Variants in CNRIP1 observed in about 807,000 individuals in gnomAD.
CNRIP1 encodes cannabinoid receptor interacting protein 1.
Under a neutral mutation model 15.2 loss-of-function variants are expected in CNRIP1, and 10 were observed. The ratio of observed to expected loss-of-function variants is 0.66; its 90% CI spans 0.41 to 1.12. CNRIP1 has a LOEUF of 1.12. CNRIP1 is among the 50% of genes most tolerant of loss of function. The pLI is 0.00. For missense variants in CNRIP1, 211 were observed against 214.7 expected (o/e 0.98, Z 0.11); for synonymous variants, 91 against 83.2 (o/e 1.09, Z -0.51).
At position 68,293,282 on chromosome 2, in the gene CNRIP1, G is replaced by A; in HGVS notation, c.*580C>T. The A allele has an allele frequency of 1.0e-6, 1 of 985,966 alleles. No individual in the cohort carries two copies. The highest frequency in any genetic ancestry group is 4.7e-5 in the South Asian group (1 of 21,326). The allele number at this position is 985,966 out of a possible 1,614,324, so 61.1% of individuals were successfully genotyped here. On this transcript the variant is annotated 3_prime_UTR_variant, in exon 3 of 3. Transcript: ENST00000263655. ...ATACGTTATAAATACGTACATATTT[G>A]TCCTTCTAGTTTGTTACCATCCTTC...
At chr2:68,296,706 C>T (rs1270882344) in intron 2 of CNRIP1, among the ~76,000 whole-genome samples, 4 of 152,134 alleles carry the variant, frequency 2.6e-5, no homozygotes, top group Admixed American at 1.3e-4. Flanking sequence ...AGCACGATCT[C>T]GGCTCACTGC....
At position 68,319,351 on chromosome 2, in the gene CNRIP1, T is replaced by C. The variant is rs767035600; in HGVS notation, c.50A>G (p.Gln17Arg). The change falls in exon 1 of 3, where the codon CAG (glutamine) becomes CGG (arginine). Residue 17 changes from glutamine to arginine, a missense_variant. Physicochemically the swap from Gln to Arg is conservative, Grantham distance 43. Coordinates refer to ENST00000263655, the MANE Select transcript of CNRIP1 (RefSeq NM_015463.3). ...LVRLSIALRI[Q>R]PNDGPVFYKV... The stretch of plus-strand genomic sequence containing the variant: ...GTAAAAGACCGGGCCGTCATTAGGC[T>C]GGATGCGCAGCGCGATGGAGAGGCG... 1.3e-6 allele frequency: 2 copies of C among 1,583,146 alleles called. No individual in the cohort carries two copies. Among genetic ancestry groups the C allele is most frequent in the Non-Finnish European group, 1.7e-6 (2 of 1,165,110 alleles).
rs923523892 is a variant in CNRIP1 at position 68,293,223 on chromosome 2, T to C, written c.*639A>G. 3 of 985,398 alleles carry C rather than the reference T, an allele frequency of 3.0e-6. No homozygotes were observed. In the African/African-American group the frequency reaches 5.2e-5, roughly 17 times the overall value. The allele number at this position is 985,398 out of a possible 1,614,324, so 61.0% of individuals were successfully genotyped here. The stretch of plus-strand genomic sequence containing the variant: ...CCCCATTTCTACTAGGCTAGGCCAT[T>C]GCACAATACCTTAAGCTACTTAAAA... On this transcript the variant is annotated 3_prime_UTR_variant, in exon 3 of 3. Coordinates refer to ENST00000263655, the MANE Select transcript of CNRIP1 (RefSeq NM_015463.3).
At chr2:68,312,396 A>G (rs1672125316) in intron 2 of CNRIP1, among the ~76,000 whole-genome samples, 1 of 152,354 alleles carries the variant, frequency 6.6e-6, no homozygotes, top group African/African-American at 2.4e-5. Flanking sequence ...AAACTATTTG[A>G]AAACATGTTA....
In CNRIP1 at chr2:68,319,598, C is replaced by T. The variant is rs1558671762; in HGVS notation, c.-198G>A. ...GAGGAGCAGCTCCTTAGGCTGTGGC[C>T]CCCCTCCCCACTCGGCGAGGAAGCG... On this transcript the variant is annotated 5_prime_UTR_variant, in exon 1 of 3. Coordinates refer to ENST00000263655, the MANE Select transcript of CNRIP1 (RefSeq NM_015463.3). 4 of 529,770 alleles carry T rather than the reference C, an allele frequency of 7.6e-6. No homozygotes were observed. The highest frequency in any genetic ancestry group is 9.7e-6 in the Non-Finnish European group (3 of 308,762). The allele number at this position is 529,770 out of a possible 1,614,324, so 32.8% of individuals were successfully genotyped here.
chr2:68,302,845 CTTTTTT>C (rs1214086385), intron 2 of CNRIP1, among the ~76,000 whole-genome samples: 1 of 126,276 alleles, frequency 7.9e-6, no homozygotes, highest in Non-Finnish European at 1.6e-5. Flanking sequence ...ATTTGAAAAA[CTTTTTT>C]TTTTTTTTTT....
At chr2:68,315,874 C>T (rs1366816391) in intron 2 of CNRIP1, 1 of 152,066 alleles carries the variant, frequency 6.6e-6, no homozygotes, top group East Asian at 1.9e-4. Flanking sequence ...GACAGGGTCC[C>T]ACTATGTTGC....
intron 2 of CNRIP1, among the ~76,000 whole-genome samples, chr2:68,300,478 G>A (rs1031776542): frequency 5.3e-5 from 8 of 152,162 alleles, no homozygotes; most frequent in South Asian, 2.1e-4. Flanking sequence ...TTAGCCGGGC[G>A]TGGTGGTGGG....
At chr2:68,307,824 A>G (rs1210276455) in intron 2 of CNRIP1, among the ~76,000 whole-genome samples, 1 of 152,230 alleles carries the variant, frequency 6.6e-6, no homozygotes, top group Non-Finnish European at 1.5e-5. Flanking sequence ...GTTCCCACAT[A>G]TGACCATTTT....
rs539785569 is a variant in CNRIP1, at chr2:68,303,098, T to C, written c.331-9072A>G. Among the ~76,000 whole-genome samples, 483 of 143,114 alleles carry C rather than the reference T, an allele frequency of 3.4e-3. 1 individual carries two copies. Among genetic ancestry groups the C allele is most frequent in the Admixed American group, 5.5e-3 (76 of 13,902 alleles). 93.9% of individuals were successfully genotyped at this position (143,114 alleles called of 152,430 possible). A position where few individuals can be genotyped will look rare whatever the true frequency, so the allele number is the denominator to read the frequency against. On this transcript the variant is annotated intron_variant, in intron 2 of 2. Transcript: ENST00000263655. ...TCCTGACTTCGTGATCCACCCGCCT[T>C]GGCCCCCAAAGTGCTGGGATTACAG...
chr2:68,312,560 T>C (rs1672132465), intron 2 of CNRIP1, among the ~76,000 whole-genome samples: 1 of 152,214 alleles, frequency 6.6e-6, no homozygotes, highest in Non-Finnish European at 1.5e-5. Context: ...GGGACAAGAA[T>C]GTCCACTCTC....
intron 2 of CNRIP1, among the ~76,000 whole-genome samples, chr2:68,298,642 T>TAAACCAA (rs1447866299): frequency 6.6e-6 from 1 of 152,244 alleles, no homozygotes; most frequent in Non-Finnish European, 1.5e-5. Flanking sequence ...AAATTTGGTT[T>TAAACCAA]ATTAATGTGG....
At chr2:68,303,877 G>T (rs180853113) in intron 2 of CNRIP1, among the ~76,000 whole-genome samples, 5 of 152,328 alleles carry the variant, frequency 3.3e-5, no homozygotes, top group African/African-American at 9.6e-5. Flanking sequence ...AGGAGTTTGA[G>T]ACCAGCTTGG....
At chr2:68,305,444 C>T (rs905643228) in intron 2 of CNRIP1, among the ~76,000 whole-genome samples, 8 of 151,794 alleles carry the variant, frequency 5.3e-5, no homozygotes, top group Middle Eastern at 3.4e-3. Flanking sequence ...ATTCAGATTT[C>T]GTCAAGGGAA....
intron 2 of CNRIP1, among the ~76,000 whole-genome samples, chr2:68,305,193 G>A (rs926466948): frequency 8.1e-5 from 12 of 148,960 alleles, no homozygotes; most frequent in South Asian, 2.1e-4. Flanking sequence ...GCGGTGAGCC[G>A]AGATTGCGCC....
intron 2 of CNRIP1, among the ~76,000 whole-genome samples, chr2:68,298,127 AG>A (rs1671451936): frequency 6.6e-6 from 1 of 152,168 alleles, no homozygotes; most frequent in Admixed American, 6.5e-5. Flanking sequence ...TGTTCACAAT[AG>A]GTTAGTGGTG....
At chr2:68,312,564 C>G (rs1272386979) in intron 2 of CNRIP1, among the ~76,000 whole-genome samples, 3 of 152,092 alleles carry the variant, frequency 2.0e-5, no homozygotes, top group Non-Finnish European at 2.9e-5. Context: ...CAAGAATGTC[C>G]ACTCTCACCA....
chr2:68,293,041 A>G lies in CNRIP1; in HGVS notation c.*821T>C. On this transcript the variant is annotated 3_prime_UTR_variant, in exon 3 of 3. Coordinates refer to ENST00000263655, the MANE Select transcript of CNRIP1 (RefSeq NM_015463.3). Reference sequence around the variant, plus strand: ...TCAACGCCTTTATTAAGAAATATCAAAAGTTGATTACAGGTCCATATGCAG... The same window carrying G: ...TCAACGCCTTTATTAAGAAATATCAGAAGTTGATTACAGGTCCATATGCAG... 1 of 985,470 alleles carries G rather than the reference A, an allele frequency of 1.0e-6. No homozygotes were observed. The highest frequency in any genetic ancestry group is 1.2e-6 in the Non-Finnish European group (1 of 829,932). The allele number at this position is 985,470 out of a possible 1,614,324, so 61.0% of individuals were successfully genotyped here. A position where few individuals can be genotyped will look rare whatever the true frequency, so the allele number is the denominator to read the frequency against.
In CNRIP1 at chr2:68,285,385, A is replaced by C. The variant is rs560347821; in HGVS notation, c.331-901T>G. 2.0e-5 allele frequency among the ~76,000 whole-genome samples: 3 copies of C among 152,372 alleles called. No homozygotes were observed. The South Asian group carries it at 6.2e-4, about 32-fold the overall frequency. On this transcript the variant is annotated intron_variant, in intron 2 of 2. Coordinates refer to the CNRIP1 transcript ENST00000409559. ...CCACATTGGCCAAAGCAATGTCTTC[A>C]TACAATCAATCTTAAGGGATTTTGC...
Sources: allele counts gnomAD v4.1 joint callset (sites outside exome capture counted in the v4.1 genomes callset), GRCh38; gene constraint gnomAD v4.1.1; transcripts MANE v1.5; gene names NCBI Gene and HGNC (gene_info 2026-07-23, HGNC 2026-07-21).